The following BRAF variants were observed in gnomAD, a reference collection of about 807,000 sequenced individuals.
BRAF encodes the protein serine/threonine-protein kinase B-raf.
A neutral mutation model predicts 104.6 loss-of-function variants in BRAF; 16 were observed. That is an observed-to-expected ratio of 0.15 (90% CI 0.10 to 0.23). The LOEUF is 0.23. BRAF is among the 10% of genes least tolerant of loss of function. BRAF has a pLI of 1.00. For missense variants in BRAF, 541 were observed against 937.3 expected, an observed-to-expected ratio of 0.58 and a Z score of 5.52; for synonymous variants, 310 against 341.6, an observed-to-expected ratio of 0.91 and a Z score of 1.02.
intron 14 of BRAF, among the ~76,000 whole-genome samples, chr7:140,763,178 G>A (rs1798928951): frequency 6.6e-6 from 1 of 152,080 alleles, no homozygotes; most frequent in South Asian, 2.1e-4. Flanking sequence ...TTCCCAGTAG[G>A]GGCGGCCGGG....
At chr7:140,740,036 C>A (rs1796779275) in intron 17 of BRAF, 90 bp from the exon 17 acceptor site, 11 of 1,333,564 alleles carry the variant, frequency 8.2e-6, no homozygotes, top group East Asian at 2.4e-5. Flanking sequence ...ATAAGCTGTA[C>A]ATTTACAGCT....
intron 2 of BRAF, among the ~76,000 whole-genome samples, chr7:140,838,637 G>A (rs982553921): frequency 2.6e-5 from 4 of 152,006 alleles, no homozygotes; most frequent in Admixed American, 2.0e-4. Flanking sequence ...AAATACAACG[G>A]ACTTGAAATT....
intron 19 of BRAF, chr7:140,730,719 T>C (rs1252942543): frequency 1.5e-5 from 2 of 135,172 alleles, no homozygotes; most frequent in Non-Finnish European, 3.3e-5. Context: ...CTGGGAAGAC[T>C]GAAAAAAAAA....
chr7:140,721,942 C>T lies in BRAF; in HGVS notation c.*4552G>A, dbSNP rs938213164. 1.6e-6 allele frequency: 2 copies of T among 1,254,526 alleles called. No individual in the cohort carries two copies. Among genetic ancestry groups the T allele is most frequent in the African/African-American group, 3.1e-5 (2 of 64,682 alleles). The allele number at this position is 1,254,526 out of a possible 1,614,324, so 77.7% of individuals were successfully genotyped here. A position where few individuals can be genotyped will look rare whatever the true frequency, so the allele number is the denominator to read the frequency against. On this transcript the variant is annotated 3_prime_UTR_variant, in exon 20 of 20. Transcript: ENST00000644969. Reference sequence around the variant, plus strand: ...ATTTCAAACTCTGAAAAATCAGTGTCTAGGTTGGCAGCAGTACTCTGGAAA... The same window carrying T: ...ATTTCAAACTCTGAAAAATCAGTGTTTAGGTTGGCAGCAGTACTCTGGAAA...
At chr7:140,892,883 T>C (rs768392778) in intron 1 of BRAF, among the ~76,000 whole-genome samples, 2 of 152,246 alleles carry the variant, frequency 1.3e-5, no homozygotes, top group Non-Finnish European at 2.9e-5. Context: ...ACTTTTAATT[T>C]TAAATTTATG....
intron 3 of BRAF, among the ~76,000 whole-genome samples, chr7:140,821,853 G>T (rs1052400992): frequency 6.6e-5 from 10 of 152,134 alleles, no homozygotes; most frequent in Admixed American, 1.3e-4. Flanking sequence ...AAAAATGAAT[G>T]AAATCATGTC....
chr7:140,722,519 G>C lies in BRAF; in HGVS notation c.*3975C>G. The C allele has an allele frequency of 1.9e-6, 2 of 1,056,920 alleles. No homozygotes were observed. The highest frequency in any genetic ancestry group is 2.3e-6 in the Non-Finnish European group (2 of 874,116). The allele number at this position is 1,056,920 out of a possible 1,614,324, so 65.5% of individuals were successfully genotyped here. A position where few individuals can be genotyped will look rare whatever the true frequency, so the allele number is the denominator to read the frequency against. On this transcript the variant is annotated 3_prime_UTR_variant, in exon 20 of 20. Coordinates refer to ENST00000644969, the MANE Select transcript of BRAF (RefSeq NM_001374258.1). ...ACTCATGACCTGTAAGCTATTTGCT[G>C]TTCATACTCACAGTAAACCTTCCAT... is the stretch of plus-strand genomic sequence containing the variant.
At chr7:140,895,714 G>A (rs147276571) in intron 1 of BRAF, among the ~76,000 whole-genome samples, 4 of 152,242 alleles carry the variant, frequency 2.6e-5, no homozygotes, top group East Asian at 1.9e-4. Flanking sequence ...TTCACTTAAC[G>A]TGATGTCCTC....
intron 1 of BRAF, among the ~76,000 whole-genome samples, chr7:140,859,481 T>C (rs1810162184): frequency 6.6e-6 from 1 of 152,168 alleles, no homozygotes; most frequent in Non-Finnish European, 1.5e-5. Context: ...CCACTAAACC[T>C]TATTTCACAT....
At chr7:140,920,118 G>C (rs918880557) in intron 1 of BRAF, among the ~76,000 whole-genome samples, 1 of 152,120 alleles carries the variant, frequency 6.6e-6, no homozygotes, top group African/African-American at 2.4e-5. Context: ...AATCTAGTAA[G>C]AGCTACTGAC....
intron 14 of BRAF, among the ~76,000 whole-genome samples, chr7:140,767,765 GGGCAAGTTAC>G (rs1198634914): frequency 1.3e-5 from 2 of 152,096 alleles, no homozygotes; most frequent in Non-Finnish European, 2.9e-5. Flanking sequence ...GAAGTACCTG[GGGCAAGTTAC>G]TTGCCCCTTC....
At chr7:140,896,614 C>T (rs1814932303) in intron 1 of BRAF, among the ~76,000 whole-genome samples, 3 of 151,742 alleles carry the variant, frequency 2.0e-5, no homozygotes, top group South Asian at 4.2e-4. Context: ...GTCTGTAATC[C>T]CAGCACTTTG....
At chr7:140,833,068 G>T (rs1806955962) in intron 3 of BRAF, among the ~76,000 whole-genome samples, 2 of 151,934 alleles carry the variant, frequency 1.3e-5, no homozygotes, top group South Asian at 4.2e-4. Flanking sequence ...TAGAGCCAAG[G>T]TTTCACCGTG....
chr7:140,782,911 G>A, intron 11 of BRAF, 110 bp downstream of exon 10: 3 of 1,281,872 alleles, frequency 2.3e-6, no homozygotes, highest in Admixed American at 4.6e-5. Context: ...TTTAATTATG[G>A]GAATTCTGTG....
intron 14 of BRAF, among the ~76,000 whole-genome samples, chr7:140,766,507 C>A (rs550940383): frequency 2.0e-5 from 3 of 152,234 alleles, no homozygotes; most frequent in East Asian, 1.9e-4. Flanking sequence ...AATACCCACA[C>A]ACCTTCCACA....
Position 140,719,873 on chromosome 7 carries a change from A to T in BRAF, c.*6621T>A. 9.4e-7 allele frequency: 1 copy of T among 1,062,850 alleles called. No homozygotes were observed. Among genetic ancestry groups the T allele is most frequent in the Non-Finnish European group, 1.1e-6 (1 of 877,684 alleles). The allele number at this position is 1,062,850 out of a possible 1,614,324, so 65.8% of individuals were successfully genotyped here. A position where few individuals can be genotyped will look rare whatever the true frequency, so the allele number is the denominator to read the frequency against. On this transcript the variant is annotated 3_prime_UTR_variant, in exon 20 of 20. Transcript: ENST00000644969. Reference sequence around the variant, plus strand: ...GCTTGAGTGGAACTGAAGTGTACTAAACCCGAACCTTTGGCAGTAACAGAA... The same window carrying T: ...GCTTGAGTGGAACTGAAGTGTACTATACCCGAACCTTTGGCAGTAACAGAA...
intron 5 of BRAF, 72 bp downstream of exon 5, chr7:140,807,888 C>T (rs1423726516): frequency 1.6e-6 from 2 of 1,235,780 alleles, no homozygotes; most frequent in African/African-American, 1.5e-5. Flanking sequence ...ATTTCACATT[C>T]CCTAAATAAA....
At chr7:140,791,604 ATCTG>A (rs1442808236) in intron 8 of BRAF, among the ~76,000 whole-genome samples, 17 of 151,554 alleles carry the variant, frequency 1.1e-4, no homozygotes, top group Non-Finnish European at 2.5e-4. Flanking sequence ...TTACTCCTAA[ATCTG>A]TATCTCTACT....
At chr7:140,739,683 T>C in intron 18 of BRAF, 129 bp downstream of exon 17, 1 of 1,109,794 alleles carries the variant, frequency 9.0e-7, no homozygotes, top group Non-Finnish European at 1.3e-6. Flanking sequence ...TCTTAATGTG[T>C]TTTCTTGTCT....
Sources: allele counts gnomAD v4.1 joint callset (sites outside exome capture counted in the v4.1 genomes callset), GRCh38; gene constraint gnomAD v4.1.1; transcripts MANE v1.5; gene names NCBI Gene and HGNC (gene_info 2026-07-23, HGNC 2026-07-21).